The following GRM7 variants were observed in gnomAD, a reference collection of about 807,000 sequenced individuals.
GRM7 encodes the protein glutamate metabotropic receptor 7, also known as metabotropic glutamate receptor 7.
In GRM7, 35 loss-of-function variants were observed where a neutral mutation model predicts 84.5. That is an observed-to-expected ratio of 0.41 (90% CI 0.32 to 0.55). GRM7 has a LOEUF of 0.55. Among genes scored for constraint, GRM7 ranks in the 20% least tolerant of loss-of-function variants. The probability of loss-of-function intolerance (pLI) is 0.19; values close to 1 mark genes in which losing one functional copy is unlikely to be tolerated. For synonymous variants in GRM7, 487 were observed against 455.1 expected, an observed-to-expected ratio of 1.07 and a Z score of -0.89; for missense variants, 1,003 against 1,194.6, an observed-to-expected ratio of 0.84 and a Z score of 2.36.
At chr3:6,875,639 TC>T (rs1391411094) in intron 1 of GRM7, among the ~76,000 whole-genome samples, 1 of 152,186 alleles carries the variant, frequency 6.6e-6, no homozygotes, top group Non-Finnish European at 1.5e-5. Flanking sequence ...AACAGACCAA[TC>T]ACCTGAGTTT....
intron 1 of GRM7, among the ~76,000 whole-genome samples, chr3:6,895,459 C>T (rs1430409674): frequency 6.6e-6 from 1 of 152,134 alleles, no homozygotes; most frequent in Non-Finnish European, 1.5e-5. Flanking sequence ...AAGAACACTA[C>T]CAAACTTATT....
intron 4 of GRM7, among the ~76,000 whole-genome samples, chr3:7,322,288 G>A (rs1346391197): frequency 0.013 from 1 of 80 alleles, no homozygotes; most frequent in African/African-American, 0.062. Flanking sequence ...GAATACTTGG[G>A]TTAAACATTT....
intron 1 of GRM7, among the ~76,000 whole-genome samples, chr3:6,991,011 G>A (rs551325860): frequency 4.6e-5 from 7 of 152,196 alleles, no homozygotes; most frequent in South Asian, 2.1e-4. Flanking sequence ...CCAGGCTGCC[G>A]TGAGACATGA....
At chr3:7,095,759 C>T (rs991263705) in intron 1 of GRM7, among the ~76,000 whole-genome samples, 1 of 151,994 alleles carries the variant, frequency 6.6e-6, no homozygotes, top group Non-Finnish European at 1.5e-5. Flanking sequence ...GCCCATGTAG[C>T]CATATTTTTT....
chr3:7,238,912 TCTTTTC>T (rs1338292983), intron 2 of GRM7, among the ~76,000 whole-genome samples: 1 of 151,140 alleles, frequency 6.6e-6, no homozygotes, highest in East Asian at 1.9e-4. Context: ...TTTTTTCTTC[TCTTTTC>T]CTTTTCCTTT....
chr3:7,568,389 A>G (rs752379554), intron 7 of GRM7, among the ~76,000 whole-genome samples: 1 of 152,230 alleles, frequency 6.6e-6, no homozygotes, highest in Non-Finnish European at 1.5e-5. Context: ...AAAAGGTGAA[A>G]GGCAAGGAAG....
At chr3:7,691,282 A>G (rs1575637766) in intron 9 of GRM7, 1 of 1,281,796 alleles carries the variant, frequency 7.8e-7, no homozygotes, top group East Asian at 5.6e-5. Context: ...TCTTGAGCTG[A>G]CCCAACACTT....
intron 1 of GRM7, among the ~76,000 whole-genome samples, chr3:7,108,837 G>A (rs1302921850): frequency 3.3e-5 from 5 of 152,036 alleles, no homozygotes; most frequent in Non-Finnish European, 7.4e-5. Context: ...TCATAGAGGC[G>A]CTTGGTTTCA....
intron 1 of GRM7, among the ~76,000 whole-genome samples, chr3:7,133,362 G>A (rs958243762): frequency 8.5e-5 from 13 of 152,268 alleles, no homozygotes; most frequent in African/African-American, 2.4e-4. Context: ...CCAATACCAC[G>A]CACACATGAG....
At chr3:7,248,692 A>T (rs1343388689) in intron 2 of GRM7, among the ~76,000 whole-genome samples, 3 of 152,170 alleles carry the variant, frequency 2.0e-5, no homozygotes, top group African/African-American at 7.2e-5. Context: ...TTCTGGATCC[A>T]GATTTTAAAA....
At chr3:7,539,647 C>T (rs1038788933) in intron 7 of GRM7, among the ~76,000 whole-genome samples, 9 of 142,256 alleles carry the variant, frequency 6.3e-5, no homozygotes, top group African/African-American at 1.1e-4. Flanking sequence ...TGCACTCCAG[C>T]CTGGGCGACA....
chr3:7,143,151 G>A (rs1405498526), intron 1 of GRM7, among the ~76,000 whole-genome samples: 2 of 152,132 alleles, frequency 1.3e-5, no homozygotes, highest in African/African-American at 2.4e-5. Flanking sequence ...AGTGAAAATG[G>A]AAGTTAATTG....
chr3:6,867,357 T>G (rs2124934935), intron 1 of GRM7, among the ~76,000 whole-genome samples: 1 of 152,128 alleles, frequency 6.6e-6, no homozygotes, highest in East Asian at 1.9e-4. Context: ...TTCCCAACAT[T>G]TACTGTAATT....
chr3:7,694,087 C>G (rs1054763993), intron 9 of GRM7, among the ~76,000 whole-genome samples: 5 of 152,040 alleles, frequency 3.3e-5, no homozygotes, highest in African/African-American at 9.7e-5. Flanking sequence ...CTGACCCATT[C>G]CCATTTACAG....
intron 1 of GRM7, among the ~76,000 whole-genome samples, chr3:7,051,174 T>A (rs899259119): frequency 6.6e-6 from 1 of 151,768 alleles, no homozygotes; most frequent in African/African-American, 2.4e-5. Flanking sequence ...ATATAAGGTG[T>A]GCAGAATCAA....
chr3:6,865,753 AT>A (rs59364423), intron 1 of GRM7, among the ~76,000 whole-genome samples: 5 of 151,636 alleles, frequency 3.3e-5, no homozygotes, highest in Admixed American at 6.6e-5. Flanking sequence ...AAATACCTAG[AT>A]TTTTTTTTCT....
chr3:6,986,099 C>G (rs576117516), intron 1 of GRM7, among the ~76,000 whole-genome samples: 1 of 152,238 alleles, frequency 6.6e-6, no homozygotes, highest in Admixed American at 6.5e-5. Context: ...CAAATACGTT[C>G]TAGAGATCTG....
At chr3:7,165,209 C>A (rs1694760454) in intron 2 of GRM7, among the ~76,000 whole-genome samples, 1 of 152,214 alleles carries the variant, frequency 6.6e-6, no homozygotes, top group South Asian at 2.1e-4. Context: ...TTAACCACCC[C>A]ATGGCGCATC....
intron 1 of GRM7, among the ~76,000 whole-genome samples, chr3:6,915,191 TAAA>T: frequency 6.6e-6 from 1 of 152,320 alleles, no homozygotes; most frequent in Middle Eastern, 3.4e-3. Flanking sequence ...GAATCTTATA[TAAA>T]ATAGTCATCC....
Sources: gnomAD v4.1 joint callset for allele counts (sites outside exome capture counted in the v4.1 genomes callset) on GRCh38, gnomAD v4.1.1 for gene constraint, MANE v1.5 for transcripts, NCBI Gene and HGNC (gene_info 2026-07-23, HGNC 2026-07-21) for gene names.